ZNF140: variants seen among roughly 807,000 people sequenced by gnomAD.
ZNF140 encodes the protein zinc finger protein 140 (clone pHZ-39).
Under a neutral mutation model 12.9 loss-of-function variants are expected in ZNF140, and 13 were observed. That is an observed-to-expected ratio of 1.01 (90% CI 0.66 to 1.60). The LOEUF is 1.60. ZNF140 is among the 40% of genes most tolerant of loss of function. ZNF140 has a pLI of 0.00. For missense variants in ZNF140, 531 were observed against 548.8 expected (o/e 0.97, Z 0.32); for synonymous variants, 214 against 186.7 (o/e 1.15, Z -1.19).
At chr12:133,095,453 C>A (rs75830621) in intron 4 of ZNF140, among the ~76,000 whole-genome samples, 4 of 150,472 alleles carry the variant, frequency 2.7e-5, no homozygotes, top group Admixed American at 1.3e-4. Context: ...AGAGAAAGGC[C>A]CCCACATCGG....
intron 4 of ZNF140, among the ~76,000 whole-genome samples, chr12:133,088,258 T>C (rs1021318034): frequency 6.6e-6 from 1 of 152,246 alleles, no homozygotes; most frequent in Non-Finnish European, 1.5e-5. Context: ...AAAAATTCTC[T>C]GTGTTCTGCC....
Position 133,096,214 on chromosome 12 carries a change from A to G in ZNF140, c.233-9296A>G, listed in dbSNP as rs1355197783. On this transcript the variant is annotated intron_variant, in intron 4 of 4. Coordinates refer to ENST00000355557, the MANE Select transcript of ZNF140 (RefSeq NM_003440.4). ...GGTTTATTGAGACTAGAGAATGGCG[A>G]TGACTTTTACCAAGTATACTGCTTG... 3.3e-5 allele frequency among the ~76,000 whole-genome samples: 5 copies of G among 152,112 alleles called. No homozygotes were observed. In the East Asian group the frequency reaches 9.6e-4, roughly 29 times the overall value.
intron 4 of ZNF140, among the ~76,000 whole-genome samples, chr12:133,091,877 C>T (rs2137523050): frequency 6.6e-6 from 1 of 151,042 alleles, no homozygotes; most frequent in East Asian, 1.9e-4. Flanking sequence ...CGGCGTTTAA[C>T]CATGTCCCAG....
Position 133,106,288 on chromosome 12 carries a change from T to C in ZNF140, c.1011T>C (p.Ala337=). ...ATGAATGTAATGAATGTAGGAAAGCTTTCCGTTGTCACTCATTCCTTATTA... is the reference window on the plus strand; with the variant it reads ...ATGAATGTAATGAATGTAGGAAAGCCTTCCGTTGTCACTCATTCCTTATTA... The part of the protein sequence containing the change: ...TPYECNECRK[A]FRCHSFLIKH... The change falls in exon 5 of 5, where the codon GCT becomes GCC. Residue 337 remains alanine (A), a synonymous_variant. Transcript: ENST00000355557. 1 of 1,614,184 alleles carries C rather than the reference T, an allele frequency of 6.2e-7. No individual in the cohort carries two copies.
At chr12:133,083,307 C>T in intron 3 of ZNF140, 78 bp downstream of exon 3, 2 of 1,547,730 alleles carry the variant, frequency 1.3e-6, no homozygotes, top group Non-Finnish European at 1.7e-6. Context: ...GCTGAATATT[C>T]CCAAGAGAGG....
intron 4 of ZNF140, among the ~76,000 whole-genome samples, chr12:133,086,265 A>G (rs1954672683): frequency 6.6e-6 from 1 of 152,310 alleles, no homozygotes; most frequent in Admixed American, 6.5e-5. Flanking sequence ...ATGTTATTAG[A>G]TAATGCCAAA....
At chr12:133,095,658 T>C (rs1052364529) in intron 4 of ZNF140, among the ~76,000 whole-genome samples, 2 of 151,796 alleles carry the variant, frequency 1.3e-5, no homozygotes, top group South Asian at 2.1e-4. Context: ...TTATTATTAT[T>C]TTCATTATTT....
intron 4 of ZNF140, among the ~76,000 whole-genome samples, chr12:133,100,287 C>A (rs1427041572): frequency 6.8e-6 from 1 of 147,942 alleles, no homozygotes; most frequent in Non-Finnish European, 1.5e-5. Flanking sequence ...TTCACCTCAA[C>A]CTCCTGAGTA....
At chr12:133,095,454 C>T (rs1257303433) in intron 4 of ZNF140, among the ~76,000 whole-genome samples, 1 of 150,550 alleles carries the variant, frequency 6.6e-6, no homozygotes, top group South Asian at 2.1e-4. Context: ...GAGAAAGGCC[C>T]CCACATCGGG....
intron 4 of ZNF140, among the ~76,000 whole-genome samples, chr12:133,090,874 T>C (rs1356091042): frequency 1.5e-5 from 2 of 136,030 alleles, no homozygotes; most frequent in Non-Finnish European, 3.3e-5. Context: ...CAGATTTATG[T>C]TTCTCTCCAC....
intron 4 of ZNF140, among the ~76,000 whole-genome samples, chr12:133,098,135 C>A (rs1165315936): frequency 6.6e-6 from 1 of 151,584 alleles, no homozygotes; most frequent in Non-Finnish European, 1.5e-5. Flanking sequence ...CACCCAGCCC[C>A]CTTTTGTGTT....
chr12:133,102,224 CAG>C (rs1955374559), intron 4 of ZNF140, among the ~76,000 whole-genome samples: 1 of 152,120 alleles, frequency 6.6e-6, no homozygotes, highest in Non-Finnish European at 1.5e-5. Context: ...GTTTTTAGGA[CAG>C]AGTAGTGACT....
chr12:133,106,364 G>A lies in ZNF140; in HGVS notation c.1087G>A (p.Gly363Ser). The change falls in exon 5 of 5, where the codon GGT becomes AGT. Residue 363 changes from glycine to serine, a missense_variant. Transcript: ENST00000355557. ...AAAGCTCTATGAATGTGATGAATGT[G>A]GTAAAGTTTTCACTTGGCATGCATC... Reference protein sequence around the residue: ...GEKLYECDECGKVFTWHASLI... With the variant: ...GEKLYECDECSKVFTWHASLI... 1 of 1,614,048 alleles carries A rather than the reference G, an allele frequency of 6.2e-7. No homozygotes were observed. The highest frequency in any genetic ancestry group is 8.5e-7 in the Non-Finnish European group (1 of 1,180,004).
chr12:133,083,629 C>G, intron 4 of ZNF140, 68 bp downstream of exon 4: 1 of 1,443,516 alleles, frequency 6.9e-7, no homozygotes, highest in Non-Finnish European at 9.6e-7. Flanking sequence ...AAAAGGAATA[C>G]TTTTTAATAT....
intron 4 of ZNF140, among the ~76,000 whole-genome samples, chr12:133,095,979 T>C (rs1445825043): frequency 2.6e-5 from 4 of 151,288 alleles, no homozygotes; most frequent in Non-Finnish European, 5.9e-5. Context: ...CAGGAGACAG[T>C]GGCCTTCCTC....
intron 4 of ZNF140, among the ~76,000 whole-genome samples, chr12:133,100,619 A>T (rs1955312315): frequency 6.6e-6 from 1 of 152,230 alleles, no homozygotes; most frequent in Non-Finnish European, 1.5e-5. Flanking sequence ...CAACCTCAGC[A>T]TATGAGAGAG....
chr12:133,087,769 C>A (rs1954721204), intron 4 of ZNF140, among the ~76,000 whole-genome samples: 1 of 152,144 alleles, frequency 6.6e-6, no homozygotes, highest in Non-Finnish European at 1.5e-5. Context: ...TCCCCAGTTT[C>A]TTTTCTATAT....
In ZNF140 at chr12:133,083,198, G is replaced by T; in HGVS notation, c.105G>T (p.Met35Ile). Residue 35 changes from methionine (M) to isoleucine (I), a missense_variant, in exon 3 of 5, where the codon ATG becomes ATT. Transcript: ENST00000355557. ...AAAGAGATTTGTACAGATGTGTAAT[G>T]TTGGAGAACTATGGCCATCTGGTCT... ...PAQRDLYRCVMLENYGHLVSL... is the reference protein window; with the variant it reads ...PAQRDLYRCVILENYGHLVSL... 1.9e-6 allele frequency: 3 copies of T among 1,614,064 alleles called. No homozygotes were observed. Among genetic ancestry groups the T allele is most frequent in the Non-Finnish European group, 2.5e-6 (3 of 1,179,934 alleles).
chr12:133,102,048 TGTAGTG>T (rs1376089995), intron 4 of ZNF140, among the ~76,000 whole-genome samples: 1 of 152,126 alleles, frequency 6.6e-6, no homozygotes, highest in African/African-American at 2.4e-5. Flanking sequence ...CCTTTTGTAA[TGTAGTG>T]GTAAGGTGTT....
Sources: gnomAD v4.1 joint callset for allele counts (sites outside exome capture counted in the v4.1 genomes callset) on GRCh38, gnomAD v4.1.1 for gene constraint, MANE v1.5 for transcripts, NCBI Gene and HGNC (gene_info 2026-07-23, HGNC 2026-07-21) for gene names.